Variants in DNAJC13 observed in about 807,000 individuals in gnomAD.
DNAJC13 encodes the protein dnaJ homolog subfamily C member 13.
Under a neutral mutation model 290.5 loss-of-function variants are expected in DNAJC13, and 75 were observed. The observed-to-expected ratio is 0.26, with a 90% CI of 0.21 to 0.31. The LOEUF (loss-of-function observed/expected upper bound fraction) is 0.31. Ranked by LOEUF, DNAJC13 falls within the 10% of genes least tolerant of loss-of-function variation. The pLI is 1.00. For missense variants in DNAJC13, 2,260 were observed against 2,674.5 expected, an observed-to-expected ratio of 0.85 and a Z score of 3.42; for synonymous variants, 862 against 892.0, an observed-to-expected ratio of 0.97 and a Z score of 0.60.
At chr3:132,529,525 C>T (rs1008170130) in intron 54 of DNAJC13, among the ~76,000 whole-genome samples, 6 of 152,276 alleles carry the variant, frequency 3.9e-5, no homozygotes, top group South Asian at 4.1e-4. Flanking sequence ...CGGTGGCTCA[C>T]GCCTGTAATC....
At chr3:132,442,091 A>G (rs1009938320) in intron 2 of DNAJC13, among the ~76,000 whole-genome samples, 1 of 151,428 alleles carries the variant, frequency 6.6e-6, no homozygotes, top group Non-Finnish European at 1.5e-5. Context: ...ATAAAATACC[A>G]TATGTAAAAA....
At chr3:132,475,134 A>T in intron 22 of DNAJC13, 49 bp downstream of exon 22, 1 of 1,413,170 alleles carries the variant, frequency 7.1e-7, no homozygotes, top group Non-Finnish European at 9.4e-7. Flanking sequence ...TAAAGCATGT[A>T]CTATTTGGGG....
chr3:132,498,806 C>T (rs1239605958), intron 36 of DNAJC13, among the ~76,000 whole-genome samples: 6 of 152,028 alleles, frequency 3.9e-5, no homozygotes, highest in Non-Finnish European at 8.8e-5. Context: ...AGCTCCACCT[C>T]CCGGGTTCAC....
intron 26 of DNAJC13, 97 bp from the exon 27 acceptor site, chr3:132,482,129 A>T (rs1244499314): frequency 4.0e-5 from 36 of 900,776 alleles, no homozygotes; most frequent in Non-Finnish European, 6.0e-5. Flanking sequence ...AAAGGGATAT[A>T]AACCCCTCCA....
intron 2 of DNAJC13, among the ~76,000 whole-genome samples, chr3:132,438,956 C>T (rs541875842): frequency 1.3e-5 from 2 of 152,276 alleles, no homozygotes; most frequent in African/African-American, 4.8e-5. Flanking sequence ...CTAAGTAAGC[C>T]ATTTCAGAGA....
chr3:132,502,413 A>G lies in DNAJC13; in HGVS notation c.4661A>G (p.Tyr1554Cys). 6.2e-7 allele frequency: 1 copy of G among 1,614,078 alleles called. No homozygotes were observed. ...TATCTCCTTGGTTTTCTGTTTAATT[A>G]TGACTACACACTAGAAGAGAGTGGC... The part of the protein sequence containing the change: ...LWYLLGFLFN[Y>C]DYTLEESGIQ... The change falls in exon 40 of 56, where the codon TAT (tyrosine) becomes TGT (cysteine). Residue 1554 changes from tyrosine (Y) to cysteine (C), a missense_variant. Tyr to Cys is a radical substitution (Grantham distance 194). Around this residue, in one of 3 missense-constraint regions of DNAJC13, gnomAD observed 1,494 missense variants for 1,693.7 expected, o/e 0.88. Transcript: ENST00000260818.
intron 28 of DNAJC13, 141 bp downstream of exon 28, chr3:132,483,718 A>C: frequency 1.1e-6 from 1 of 894,574 alleles, no homozygotes; most frequent in African/African-American, 1.7e-5. Flanking sequence ...ATTTTTTGAA[A>C]CAGATATAAA....
chr3:132,493,886 G>A (rs1935144402), intron 33 of DNAJC13, among the ~76,000 whole-genome samples: 1 of 151,994 alleles, frequency 6.6e-6, no homozygotes, highest in Non-Finnish European at 1.5e-5. Context: ...TTAATTTGAA[G>A]CCTAATACAT....
chr3:132,418,082 T>C (rs907000800), intron 1 of DNAJC13, among the ~76,000 whole-genome samples: 6 of 152,108 alleles, frequency 3.9e-5, no homozygotes, highest in Non-Finnish European at 7.4e-5. Context: ...CCCTTGTGGG[T>C]TCCGCCCTCG....
At chr3:132,480,746 A>C (rs940414522) in intron 26 of DNAJC13, among the ~76,000 whole-genome samples, 1 of 152,202 alleles carries the variant, frequency 6.6e-6, no homozygotes, top group Admixed American at 6.5e-5. Context: ...ATATAAATTG[A>C]ATTCATTAGA....
chr3:132,427,865 C>T (rs775307398), intron 1 of DNAJC13, among the ~76,000 whole-genome samples: 4 of 152,152 alleles, frequency 2.6e-5, no homozygotes, highest in African/African-American at 4.8e-5. Context: ...ATTTTATAGA[C>T]GTACTATAAT....
At chr3:132,426,343 C>T (rs2107641689) in intron 1 of DNAJC13, among the ~76,000 whole-genome samples, 1 of 152,272 alleles carries the variant, frequency 6.6e-6, no homozygotes, top group African/African-American at 2.4e-5. Context: ...GATTTTTCCT[C>T]ATCAGAAAGA....
rs998352345 is a variant in DNAJC13 at position 132,462,386 on chromosome 3, C to T, written c.1714-81C>T. 5.2e-6 allele frequency: 7 copies of T among 1,334,764 alleles called. No homozygotes were observed. The Admixed American group carries it at 1.4e-4, about 26-fold the overall frequency. 82.7% of individuals were successfully genotyped at this position (1,334,764 alleles called of 1,614,324 possible). ...CTTATACCTTGTGTAAAAATGTATA[C>T]CCTTCTTAAGAGTAACAGCTAAATG... On this transcript the variant is annotated intron_variant, in intron 15 of 55. Transcript: ENST00000260818.
At chr3:132,525,485 C>A in intron 51 of DNAJC13, 125 bp from the exon 52 acceptor site, 1 of 892,174 alleles carries the variant, frequency 1.1e-6, no homozygotes. Flanking sequence ...ATTAGTGAAT[C>A]TGTTTTCAAG....
rs761963763 is a variant in DNAJC13 at position 132,530,978 on chromosome 3, G to C, written c.6526-20G>C. On this transcript the variant is annotated intron_variant, in intron 54 of 55. Coordinates refer to ENST00000260818, the MANE Select transcript of DNAJC13 (RefSeq NM_015268.4). Reference sequence around the variant, plus strand: ...CCAGTCCTTGATTTTATGTTCAAAGGGCTTGTTTTACTTTCCTAGGTGAAT... The same window carrying C: ...CCAGTCCTTGATTTTATGTTCAAAGCGCTTGTTTTACTTTCCTAGGTGAAT... 15 of 1,603,210 alleles carry C rather than the reference G, an allele frequency of 9.4e-6. No individual in the cohort carries two copies. The African/African-American group carries it at 2.0e-4, about 21-fold the overall frequency.
At chr3:132,427,298 G>A (rs1332297916) in intron 1 of DNAJC13, among the ~76,000 whole-genome samples, 7 of 151,762 alleles carry the variant, frequency 4.6e-5, no homozygotes, top group Non-Finnish European at 1.5e-5. Flanking sequence ...ATGACACCCA[G>A]CTAATTTTTT....
At chr3:132,515,286 A>G (rs1447490483) in intron 46 of DNAJC13, among the ~76,000 whole-genome samples, 1 of 152,198 alleles carries the variant, frequency 6.6e-6, no homozygotes, top group African/African-American at 2.4e-5. Context: ...TACATTGCTT[A>G]GTTGGCTTTG....
At chr3:132,525,377 C>T (rs193144962) in intron 51 of DNAJC13, among the ~76,000 whole-genome samples, 6 of 152,180 alleles carry the variant, frequency 3.9e-5, no homozygotes, top group Non-Finnish European at 7.4e-5. Flanking sequence ...TATACCTAAC[C>T]GAGTAAAATC....
At chr3:132,471,080 C>T (rs1410527959) in intron 20 of DNAJC13, among the ~76,000 whole-genome samples, 1 of 140,110 alleles carries the variant, frequency 7.1e-6, no homozygotes, top group Admixed American at 6.9e-5. Flanking sequence ...ACCCCCCCAC[C>T]TCCCTCCCGG....
Sources: gnomAD v4.1 joint callset for allele counts (sites outside exome capture counted in the v4.1 genomes callset) on GRCh38, gnomAD v4.1.1 for gene constraint, gnomAD v4.1.1 regional missense constraint, MANE v1.5 for transcripts, NCBI Gene and HGNC (gene_info 2026-07-23, HGNC 2026-07-21) for gene names.